Variants in DPYSL2 observed in about 807,000 individuals in gnomAD.
The protein encoded by DPYSL2 is dihydropyrimidinase-related protein 2.
In DPYSL2, 13 loss-of-function variants were observed where a neutral mutation model predicts 69.9. The ratio of observed to expected loss-of-function variants is 0.19; its 90% CI spans 0.12 to 0.30. The LOEUF (loss-of-function observed/expected upper bound fraction) is 0.30, where lower values mean the gene tolerates loss of function less well. DPYSL2 is among the 10% of genes least tolerant of loss of function. The probability of loss-of-function intolerance (pLI) is 1.00; values close to 1 mark genes in which losing one functional copy is unlikely to be tolerated. For synonymous variants in DPYSL2, 326 were observed against 359.1 expected (o/e 0.91, Z 1.04); for missense variants, 587 against 918.9 (o/e 0.64, Z 4.67).
chr8:26,520,715 T>G (rs1211258610), intron 1 of DPYSL2, among the ~76,000 whole-genome samples: 2 of 152,218 alleles, frequency 1.3e-5, no homozygotes, highest in Non-Finnish European at 2.9e-5. Context: ...AATCATTGTC[T>G]TAGGCTGTGA....
rs1801513110 is a variant in DPYSL2 at position 26,582,528 on chromosome 8, C to T, written c.443+471C>T. Among the ~76,000 whole-genome samples the T allele has an allele frequency of 6.6e-6, 1 of 152,200 alleles. No individual in the cohort carries two copies. The highest frequency in any genetic ancestry group is 2.1e-4 in the South Asian group (1 of 4,834). On this transcript the variant is annotated intron_variant, in intron 2 of 13. Coordinates refer to ENST00000521913, the MANE Select transcript of DPYSL2 (RefSeq NM_001197293.3). This position sits in a 1 kb window ranked among gnomAD's most constrained non-coding sequence, Gnocchi z 4.1. ...CAAGTTAATTACTAAGTAATACAGA[C>T]AAATTACTGCCTAAATCCTGAGGGA...
chr8:26,643,435 T>C lies in DPYSL2; in HGVS notation c.1127-4T>C. 1 of 1,579,434 alleles carries C rather than the reference T, an allele frequency of 6.3e-7. No individual in the cohort carries two copies. The highest frequency in any genetic ancestry group is 8.6e-7 in the Non-Finnish European group (1 of 1,164,318). ...GACTGAACCTTGTGTGTTCTGTTTG[T>C]CAGGAACTGTGGTGTATGGCGAGCC... On this transcript the variant is annotated splice_polypyrimidine_tract_variant and splice_region_variant and intron_variant, in intron 8 of 13. Coordinates refer to ENST00000521913, the MANE Select transcript of DPYSL2 (RefSeq NM_001197293.3). The surrounding 1 kb of genome is among the most constrained non-coding windows in gnomAD (Gnocchi z 6.5).
In DPYSL2 at chr8:26,597,452, C is replaced by T. The variant is rs1395982841; in HGVS notation, c.628+13469C>T. 6.6e-6 allele frequency among the ~76,000 whole-genome samples: 1 copy of T among 152,120 alleles called. No individual in the cohort carries two copies. The highest frequency in any genetic ancestry group is 1.5e-5 in the Non-Finnish European group (1 of 68,024). On this transcript the variant is annotated intron_variant, in intron 3 of 13. Transcript: ENST00000521913. The surrounding 1 kb of genome is among the most constrained non-coding windows in gnomAD (Gnocchi z 5.2). ...CCTCCCATGTCTGCTTGGGAAACAC[C>T]ACGGGCAGATGGCATTTTTCTTTTC... is the stretch of plus-strand genomic sequence containing the variant.
intron 3 of DPYSL2, among the ~76,000 whole-genome samples, chr8:26,595,419 A>G (rs1801837116): frequency 6.6e-6 from 1 of 152,174 alleles, no homozygotes; most frequent in South Asian, 2.1e-4. Flanking sequence ...CAGCCCGTCA[A>G]ATCAATAACT....
At position 26,537,913 on chromosome 8, in the gene DPYSL2, G is replaced by A. The variant is rs79040153; in HGVS notation, c.354+23234G>A. On this transcript the variant is annotated intron_variant, in intron 1 of 13. Coordinates refer to ENST00000521913, the MANE Select transcript of DPYSL2 (RefSeq NM_001197293.3). The stretch of plus-strand genomic sequence containing the variant: ...GTATTTTTTCCTTCTATCTGGAAGC[G>A]TTCATCTTTCCTTGGCTCATATAAC... Among the ~76,000 whole-genome samples, 275 of 152,218 alleles carry A rather than the reference G, an allele frequency of 1.8e-3. 1 individual carries two copies. Among genetic ancestry groups the A allele is most frequent in the East Asian group, 0.013 (68 of 5,182 alleles).
chr8:26,535,893 A>G (rs1434266320), intron 1 of DPYSL2, among the ~76,000 whole-genome samples: 1 of 127,704 alleles, frequency 7.8e-6, no homozygotes, highest in Non-Finnish European at 1.6e-5. Flanking sequence ...TAAGCTCTCT[A>G]TGGGTTGTGT....
At chr8:26,567,965 C>A (rs17320101) in intron 1 of DPYSL2, among the ~76,000 whole-genome samples, 2 of 152,076 alleles carry the variant, frequency 1.3e-5, no homozygotes, top group South Asian at 4.1e-4. Flanking sequence ...AACTCCTGAG[C>A]CCCGAGGGAC....
chr8:26,623,011 A>G (rs1802532973), intron 3 of DPYSL2, among the ~76,000 whole-genome samples: 1 of 152,152 alleles, frequency 6.6e-6, no homozygotes, highest in African/African-American at 2.4e-5. Context: ...TTGACCTTGG[A>G]CAAATCATTT....
In DPYSL2 at chr8:26,544,142, C is replaced by T. The variant is rs899044126; in HGVS notation, c.354+29463C>T. Among the ~76,000 whole-genome samples the T allele has an allele frequency of 3.9e-4, 59 of 152,172 alleles. 1 individual carries two copies. The highest frequency in any genetic ancestry group is 1.3e-3 in the African/African-American group (54 of 41,424). On this transcript the variant is annotated intron_variant, in intron 1 of 13. Transcript: ENST00000521913. ...TAACCCTACTTTTGTCATATGCTGG[C>T]GACCTCTTTAACATCTAGAAGGACT... is the stretch of plus-strand genomic sequence containing the variant.
At chr8:26,566,827 A>C (rs972031893) in intron 1 of DPYSL2, among the ~76,000 whole-genome samples, 3 of 151,436 alleles carry the variant, frequency 2.0e-5, no homozygotes, top group African/African-American at 7.3e-5. Context: ...TAATGGGTTT[A>C]TTCATCTATC....
chr8:26,639,585 G>A (rs927636110), intron 8 of DPYSL2, among the ~76,000 whole-genome samples: 3 of 152,180 alleles, frequency 2.0e-5, no homozygotes, highest in African/African-American at 7.2e-5. Flanking sequence ...TTCATGTGGT[G>A]CTTGAGCTGG....
rs941696594 is a variant in DPYSL2 at position 26,609,745 on chromosome 8, G to A, written c.629-14398G>A. Among the ~76,000 whole-genome samples the A allele has an allele frequency of 1.3e-5, 2 of 152,202 alleles. No homozygotes were observed. The highest frequency in any genetic ancestry group is 6.5e-5 in the Admixed American group (1 of 15,282). ...GGACTGTTGACCCTGGCCCCTGTAG[G>A]AAGCACCTCTGGCTTGTCCCCCAGC... On this transcript the variant is annotated intron_variant, in intron 3 of 13. Transcript: ENST00000521913. The surrounding 1 kb of genome is among the most constrained non-coding windows in gnomAD (Gnocchi z 6.5).
chr8:26,646,932 G>A (rs1803177423), intron 10 of DPYSL2, among the ~76,000 whole-genome samples: 1 of 151,660 alleles, frequency 6.6e-6, no homozygotes. Flanking sequence ...GCAGTGAGCT[G>A]TGATCACTCT....
intron 4 of DPYSL2, among the ~76,000 whole-genome samples, chr8:26,625,102 C>G (rs1308232365): frequency 1.3e-5 from 2 of 152,122 alleles, no homozygotes; most frequent in Non-Finnish European, 2.9e-5. Context: ...TCTCTAGGTA[C>G]TAGAATGATA....
intron 1 of DPYSL2, chr8:26,578,200 G>C: frequency 6.2e-7 from 1 of 1,611,462 alleles, no homozygotes; most frequent in Admixed American, 1.7e-5. Flanking sequence ...TCCCCTTCCC[G>C]GCAGTTTTTG....
intron 1 of DPYSL2, among the ~76,000 whole-genome samples, chr8:26,522,603 G>A (rs1808406800): frequency 2.6e-5 from 4 of 152,108 alleles, no homozygotes; most frequent in Admixed American, 2.6e-4. Flanking sequence ...AACTAATAAT[G>A]TTGAGCATCT....
chr8:26,524,570 G>A (rs1477974193), intron 1 of DPYSL2, among the ~76,000 whole-genome samples: 1 of 151,942 alleles, frequency 6.6e-6, no homozygotes, highest in Non-Finnish European at 1.5e-5. Flanking sequence ...GGTCAAGGTG[G>A]GCGGATCACC....
chr8:26,589,407 C>T (rs12678418), intron 3 of DPYSL2, among the ~76,000 whole-genome samples: 57,176 of 152,166 alleles, frequency 0.38, 12,923 homozygotes, highest in East Asian at 0.68. Flanking sequence ...TGGGCAGCCT[C>T]ACTCCTCAGA....
rs1801125238 is a variant in DPYSL2, at chr8:26,564,891, AT to A, written c.355-17077del. On this transcript the variant is annotated intron_variant, in intron 1 of 13. Transcript: ENST00000521913. The surrounding 1 kb of genome is among the most constrained non-coding windows in gnomAD (Gnocchi z 4.8). ...ACCCAAGGAGTGTACATTGTACCTA[AT>A]GTGTAGTTTTTTTTTATGCCTAGCC... Among the ~76,000 whole-genome samples, 1 of 152,098 alleles carries A rather than the reference AT, an allele frequency of 6.6e-6. No individual in the cohort carries two copies. The highest frequency in any genetic ancestry group is 1.5e-5 in the Non-Finnish European group (1 of 68,018).
Sources: allele counts gnomAD v4.1 joint callset (sites outside exome capture counted in the v4.1 genomes callset), GRCh38; gene constraint gnomAD v4.1.1; non-coding constraint Gnocchi (gnomAD v3.1); transcripts MANE v1.5; gene names NCBI Gene and HGNC (gene_info 2026-07-23, HGNC 2026-07-21).